The following NUTM2B variants were observed in gnomAD, a reference collection of about 807,000 sequenced individuals.
The protein encoded by NUTM2B is family with sequence similarity 22, member B.
NUTM2B carries 2 observed loss-of-function variants against 42.4 expected under a neutral mutation model. The ratio of observed to expected loss-of-function variants is 0.05; its 90% confidence interval spans 0.02 to 0.15. NUTM2B has a LOEUF of 0.15. Among genes scored for constraint, NUTM2B ranks in the 10% least tolerant of loss-of-function variants. The probability of loss-of-function intolerance (pLI) is 1.00; values close to 1 mark genes in which losing one functional copy is unlikely to be tolerated. For synonymous variants in NUTM2B, 18 were observed against 402.4 expected (o/e 0.04, Z 11.43); for missense variants, 58 against 952.6 (o/e 0.06, Z 12.36).
the NUTM2B span, among the ~76,000 whole-genome samples, chr10:79,693,805 G>C: frequency 3.3e-5 from 5 of 152,202 alleles, no homozygotes; most frequent in Non-Finnish European, 7.3e-5. Context: ...GTTAGGGCAG[G>C]ACATGAGGGG....
chr10:79,696,399 C>G, the NUTM2B span, among the ~76,000 whole-genome samples: 1 of 151,694 alleles, frequency 6.6e-6, no homozygotes, highest in Non-Finnish European at 1.5e-5. Context: ...ACACAATCTA[C>G]CTGCACCCTG....
At chr10:79,693,752 G>A in the NUTM2B span, among the ~76,000 whole-genome samples, 4 of 152,050 alleles carry the variant, frequency 2.6e-5, no homozygotes, top group Non-Finnish European at 4.4e-5. Context: ...GCTCCATTCC[G>A]CCAACAAAAC....
At chr10:79,695,674 C>T in the NUTM2B span, among the ~76,000 whole-genome samples, 4 of 151,974 alleles carry the variant, frequency 2.6e-5, no homozygotes, top group African/African-American at 9.7e-5. Context: ...ACTCGCCATG[C>T]CCCAGAGGAA....
the NUTM2B span, among the ~76,000 whole-genome samples, chr10:79,695,097 C>T: frequency 6.6e-6 from 1 of 152,264 alleles, no homozygotes; most frequent in South Asian, 2.1e-4. Flanking sequence ...TCCCCAGGCC[C>T]AGGTTCTAAA....
chr10:79,698,067 G>A, the NUTM2B span, among the ~76,000 whole-genome samples: 3 of 149,982 alleles, frequency 2.0e-5, no homozygotes, highest in East Asian at 2.0e-4. Context: ...AGACACAGAG[G>A]ACCACTAAGT....
chr10:79,710,903 T>A, intron 5 of NUTM2B, 139 bp downstream of exon 5: 1 of 1,302,812 alleles, frequency 7.7e-7, no homozygotes, highest in Non-Finnish European at 1.0e-6. Flanking sequence ...TGTGATTGTG[T>A]GTGTCTGTGT....
At chr10:79,694,632 A>G in the NUTM2B span, among the ~76,000 whole-genome samples, 39,476 of 151,424 alleles carry the variant, frequency 0.26, 5,794 homozygotes, top group East Asian at 0.69. Flanking sequence ...ACTGACCCCC[A>G]CCCCTGCCAG....
At chr10:79,694,596 C>G in the NUTM2B span, among the ~76,000 whole-genome samples, 1 of 152,064 alleles carries the variant, frequency 6.6e-6, no homozygotes, top group African/African-American at 2.4e-5. Flanking sequence ...AGGACAGAGC[C>G]TGCCCAGCTC....
upstream of NUTM2B, among the ~76,000 whole-genome samples, chr10:79,700,622 C>A: frequency 6.6e-6 from 1 of 152,058 alleles, no homozygotes; most frequent in Admixed American, 6.5e-5. Context: ...GGTGAGATTA[C>A]CTTCTGATCA....
In NUTM2B at chr10:79,710,966, T is replaced by C. The variant is rs1207851107; in HGVS notation, c.1734+202T>C. 3.0e-5 allele frequency among the ~76,000 whole-genome samples: 4 copies of C among 134,608 alleles called. 1 individual carries two copies. Among genetic ancestry groups the C allele is most frequent in the African/African-American group, 1.1e-4 (4 of 35,590 alleles). 88.3% of individuals were successfully genotyped at this position (134,608 alleles called of 152,430 possible). ...GTTACTGTGTGTCTTTGTGTGTCTGTGTAGGTGTGAGTGTGGAGTGTGTAC... is the reference window on the plus strand; with the variant it reads ...GTTACTGTGTGTCTTTGTGTGTCTGCGTAGGTGTGAGTGTGGAGTGTGTAC... On this transcript the variant is annotated intron_variant, in intron 5 of 6. Transcript: ENST00000429828.
chr10:79,693,014 T>C, the NUTM2B span, among the ~76,000 whole-genome samples: 2 of 152,300 alleles, frequency 1.3e-5, no homozygotes, highest in Middle Eastern at 3.4e-3. Flanking sequence ...GACTCTTGTG[T>C]GTAGAGGGGC....
chr10:79,702,629 G>A (rs1162532409), upstream of NUTM2B, among the ~76,000 whole-genome samples: 5 of 150,582 alleles, frequency 3.3e-5, no homozygotes, highest in East Asian at 2.0e-4. Context: ...AGTGTGCACC[G>A]GTCTGGCTGA....
chr10:79,709,155 A>G (rs1177054302), intron 3 of NUTM2B, among the ~76,000 whole-genome samples: 1 of 115,434 alleles, frequency 8.7e-6, no homozygotes, highest in Non-Finnish European at 1.7e-5. Flanking sequence ...GCTAGTGACT[A>G]TGGACAAGAG....
intron 3 of NUTM2B, among the ~76,000 whole-genome samples, chr10:79,709,517 G>A (rs2132255534): frequency 7.8e-6 from 1 of 127,710 alleles, no homozygotes; most frequent in South Asian, 3.3e-4. Flanking sequence ...CTGGCCAGCT[G>A]AAACCTGGAG....
chr10:79,700,789 C>T (rs1840301518), upstream of NUTM2B, among the ~76,000 whole-genome samples: 2 of 152,230 alleles, frequency 1.3e-5, no homozygotes, highest in South Asian at 4.1e-4. Flanking sequence ...GCGCTGGAAC[C>T]TCGCCCGCCT....
At chr10:79,711,953 G>A (rs1285192400) in exon 7 of NUTM2B, 1 of 1,493,742 alleles carries the variant, frequency 6.7e-7, no homozygotes. Flanking sequence ...GTGCTTTTGG[G>A]ATGTCAGGAT....
the NUTM2B span, among the ~76,000 whole-genome samples, chr10:79,696,759 T>C: frequency 6.6e-6 from 1 of 152,212 alleles, no homozygotes; most frequent in Non-Finnish European, 1.5e-5. Context: ...ATTCACCTGA[T>C]ATAGGCACTA....
exon 2 of NUTM2B, chr10:79,706,637 CAGG>C (rs1220899389): frequency 3.7e-6 from 2 of 546,400 alleles, no homozygotes; most frequent in Non-Finnish European, 6.1e-6. Context: ...CCTGTAACCC[CAGG>C]AGTGTCTATG....
At chr10:79,700,316 T>A (rs542064801), upstream of NUTM2B, among the ~76,000 whole-genome samples, 143 of 152,054 alleles carry the variant, frequency 9.4e-4, 1 homozygote, top group African/African-American at 3.1e-3. Context: ...AGGAGCTACT[T>A]CTTTGCTGAA....
Sources: allele counts gnomAD v4.1 joint callset (sites outside exome capture counted in the v4.1 genomes callset), GRCh38; gene constraint gnomAD v4.1.1; transcripts MANE v1.5; gene names NCBI Gene and HGNC (gene_info 2026-07-23, HGNC 2026-07-21).